Variants in SWT1 observed in about 807,000 individuals in gnomAD.
The protein encoded by SWT1 is transcriptional protein SWT1.
A neutral mutation model predicts 107.3 loss-of-function variants in SWT1; 33 were observed. That is an observed-to-expected ratio of 0.31 (90% CI 0.23 to 0.41). SWT1 has a LOEUF of 0.41. Ranked by LOEUF, SWT1 falls within the 10% of genes least tolerant of loss-of-function variation. SWT1 has a pLI of 1.00. For synonymous variants in SWT1, 345 were observed against 348.3 expected (o/e 0.99, Z 0.11); for missense variants, 898 against 1,028.9 (o/e 0.87, Z 1.74).
intron 11 of SWT1, among the ~76,000 whole-genome samples, chr1:185,203,341 A>G (rs974771368): frequency 6.6e-6 from 1 of 152,224 alleles, no homozygotes; most frequent in Admixed American, 6.5e-5. Flanking sequence ...AAGAAGTAAC[A>G]GGCCGGGTGC....
chr1:185,172,060 CTAATTAAGGG>C lies in SWT1; in HGVS notation c.225-2308_225-2299del, dbSNP rs1655120252. 7.2e-5 allele frequency among the ~76,000 whole-genome samples: 11 copies of C among 152,288 alleles called. No individual in the cohort carries two copies. The South Asian group carries it at 2.3e-3, about 32-fold the overall frequency. On this transcript the variant is annotated intron_variant, in intron 4 of 18. Transcript: ENST00000367500. Reference sequence around the variant, plus strand: ...TGTGTCTCTCTTGCTGGGCTGTAACCTAATTAAGGGTAAAGACTCTATCTGCTGTGTCCTC... The same window carrying C: ...TGTGTCTCTCTTGCTGGGCTGTAACCTAAAGACTCTATCTGCTGTGTCCTC...
At chr1:185,204,952 A>T (rs1658210830) in intron 12 of SWT1, 89 bp downstream of exon 12, 10 of 702,086 alleles carry the variant, frequency 1.4e-5, no homozygotes, top group Non-Finnish European at 2.2e-5. Context: ...TAAAATGCAT[A>T]CGCTTCATTG....
Position 185,221,893 on chromosome 1 carries a change from T to TA in SWT1, c.2171dup (p.Gln725AlafsTer11). On this transcript the variant is annotated frameshift_variant, in exon 15 of 19. Coordinates refer to ENST00000367500, the MANE Select transcript of SWT1 (RefSeq NM_017673.7). LOFTEE classifies it high-confidence loss of function. ...CAAATTCTTCAGAAAACACAGTGAC[T>TA]AAAAAGCAGGAAGGTACTTCATTGA... is the stretch of plus-strand genomic sequence containing the variant. 1 of 1,607,296 alleles carries TA rather than the reference T, an allele frequency of 6.2e-7. No individual in the cohort carries two copies. The highest frequency in any genetic ancestry group is 8.5e-7 in the Non-Finnish European group (1 of 1,177,984).
intron 18 of SWT1, among the ~76,000 whole-genome samples, chr1:185,283,445 C>T (rs1379519161): frequency 6.6e-6 from 1 of 152,158 alleles, no homozygotes; most frequent in African/African-American, 2.4e-5. Flanking sequence ...GCAGTATCTT[C>T]TATCTTTATG....
chr1:185,258,383 T>G (rs1304541627), intron 16 of SWT1, among the ~76,000 whole-genome samples: 2 of 152,192 alleles, frequency 1.3e-5, no homozygotes, highest in Non-Finnish European at 2.9e-5. Flanking sequence ...TTTGTTGTGT[T>G]TAGCTTTATC....
intron 17 of SWT1, among the ~76,000 whole-genome samples, chr1:185,272,301 G>A (rs150596763): frequency 6.6e-6 from 1 of 152,160 alleles, no homozygotes; most frequent in Non-Finnish European, 1.5e-5. Flanking sequence ...GTCAATTTCT[G>A]TGTGCTTAAT....
At chr1:185,288,144 G>C (rs1252615783) in intron 18 of SWT1, among the ~76,000 whole-genome samples, 1 of 152,086 alleles carries the variant, frequency 6.6e-6, no homozygotes, top group African/African-American at 2.4e-5. Context: ...TCATTTTTTT[G>C]AGTAGTTGTG....
At chr1:185,222,396 G>A (rs1659724987) in intron 15 of SWT1, among the ~76,000 whole-genome samples, 1 of 151,954 alleles carries the variant, frequency 6.6e-6, no homozygotes, top group South Asian at 2.1e-4. Context: ...CTATTGTAAT[G>A]CATTTATCAT....
chr1:185,197,693 A>G (rs150646636), intron 10 of SWT1, among the ~76,000 whole-genome samples: 140 of 152,220 alleles, frequency 9.2e-4, no homozygotes, highest in African/African-American at 3.1e-3. Flanking sequence ...GGTAGGGTGT[A>G]TGTGTCCAGG....
chr1:185,190,347 T>C, intron 9 of SWT1, among the ~76,000 whole-genome samples: 1 of 152,202 alleles, frequency 6.6e-6, no homozygotes, highest in South Asian at 2.1e-4. Flanking sequence ...GAGTACATAG[T>C]TTACATTAGG....
intron 9 of SWT1, among the ~76,000 whole-genome samples, chr1:185,189,385 ACTT>A (rs1198616995): frequency 6.6e-6 from 1 of 152,196 alleles, no homozygotes; most frequent in Non-Finnish European, 1.5e-5. Flanking sequence ...GTTAGGAATT[ACTT>A]CTTGTGTTAC....
chr1:185,247,068 G>C (rs1296458556), intron 16 of SWT1, among the ~76,000 whole-genome samples: 1 of 152,050 alleles, frequency 6.6e-6, no homozygotes, highest in Non-Finnish European at 1.5e-5. Context: ...ATTACCTTCA[G>C]TCCTTAGGTT....
intron 15 of SWT1, among the ~76,000 whole-genome samples, chr1:185,228,835 G>A (rs1394442090): frequency 1.3e-5 from 2 of 152,100 alleles, no homozygotes; most frequent in African/African-American, 4.8e-5. Context: ...GGAGCATATA[G>A]TTATTTACAG....
At chr1:185,249,237 G>A (rs959639793) in intron 16 of SWT1, among the ~76,000 whole-genome samples, 5 of 152,116 alleles carry the variant, frequency 3.3e-5, no homozygotes, top group Non-Finnish European at 7.4e-5. Context: ...CATATGAGGT[G>A]GAAGCTATGT....
At chr1:185,278,934 C>T (rs1558099469) in intron 18 of SWT1, among the ~76,000 whole-genome samples, 3 of 152,202 alleles carry the variant, frequency 2.0e-5, no homozygotes, top group Admixed American at 1.3e-4. Context: ...ACTGTTAAAG[C>T]TCCAGACTGA....
At chr1:185,221,147 G>T (rs573766916) in intron 14 of SWT1, among the ~76,000 whole-genome samples, 1 of 152,120 alleles carries the variant, frequency 6.6e-6, no homozygotes, top group African/African-American at 2.4e-5. Context: ...AACACATCTA[G>T]GTTAAAGAAT....
At chr1:185,278,098 G>A (rs1339916710) in intron 18 of SWT1, among the ~76,000 whole-genome samples, 3 of 151,998 alleles carry the variant, frequency 2.0e-5, no homozygotes, top group African/African-American at 7.3e-5. Flanking sequence ...TACAGGGATT[G>A]ATTACAGGCA....
At chr1:185,207,335 C>G (rs192720532) in intron 13 of SWT1, among the ~76,000 whole-genome samples, 24 of 152,262 alleles carry the variant, frequency 1.6e-4, no homozygotes, top group African/African-American at 5.8e-4. Context: ...CTTGAAGTGC[C>G]TCTGCTGCCA....
intron 4 of SWT1, chr1:185,171,726 AG>A: frequency 2.2e-6 from 1 of 459,006 alleles, no homozygotes; most frequent in Non-Finnish European, 4.3e-6. Context: ...CAGTGAAGGC[AG>A]AAAGGGCATT....
Sources: allele counts gnomAD v4.1 joint callset (sites outside exome capture counted in the v4.1 genomes callset), GRCh38; gene constraint gnomAD v4.1.1; transcripts MANE v1.5; gene names NCBI Gene and HGNC (gene_info 2026-07-23, HGNC 2026-07-21).